Variants in CHKA observed in about 807,000 individuals in gnomAD.
The protein encoded by CHKA is CHETK-alpha.
Under a neutral mutation model 60.1 loss-of-function variants are expected in CHKA, and 34 were observed. The ratio of observed to expected loss-of-function variants is 0.57; its 90% confidence interval spans 0.43 to 0.75. CHKA has a LOEUF of 0.75. Ranked by LOEUF, CHKA falls within the 30% of genes least tolerant of loss-of-function variation. CHKA has a pLI of 0.00. For missense variants in CHKA, 563 were observed against 561.3 expected (o/e 1.00, Z -0.03); for synonymous variants, 217 against 223.1 (o/e 0.97, Z 0.24).
At chr11:68,096,849 G>A (rs2134660110) in intron 2 of CHKA, among the ~76,000 whole-genome samples, 170 bp downstream of exon 2, 1 of 152,294 alleles carries the variant, frequency 6.6e-6, no homozygotes, top group African/African-American at 2.4e-5. Context: ...AATTAACTTA[G>A]AATGCAAACC....
At chr11:68,114,064 T>A (rs559444909) in intron 1 of CHKA, among the ~76,000 whole-genome samples, 2 of 152,004 alleles carry the variant, frequency 1.3e-5, no homozygotes, top group Non-Finnish European at 2.9e-5. Flanking sequence ...ACCAGAATGC[T>A]GACACCACCA....
intron 7 of CHKA, among the ~76,000 whole-genome samples, chr11:68,067,029 C>T (rs1565174866): frequency 6.6e-6 from 1 of 152,292 alleles, no homozygotes; most frequent in East Asian, 1.9e-4. Flanking sequence ...GCTTTTCCTT[C>T]CCAAGGAGAC....
At chr11:68,058,182 C>A (rs1033276029) in intron 11 of CHKA, among the ~76,000 whole-genome samples, 2 of 152,226 alleles carry the variant, frequency 1.3e-5, no homozygotes, top group Non-Finnish European at 2.9e-5. Context: ...TGAGCCACCA[C>A]ACCTGGATGA....
At chr11:68,117,606 G>A (rs1590889998) in intron 1 of CHKA, among the ~76,000 whole-genome samples, 1 of 152,098 alleles carries the variant, frequency 6.6e-6, no homozygotes, top group Non-Finnish European at 1.5e-5. Context: ...AGAATCGCTC[G>A]AACCCAGGAG....
intron 2 of CHKA, 121 bp downstream of exon 2, chr11:68,096,898 A>G (rs1257151290): frequency 1.7e-6 from 1 of 604,634 alleles, no homozygotes; most frequent in Non-Finnish European, 2.8e-6. Flanking sequence ...TAAAAGCAAT[A>G]TACTCAAATA....
At position 68,115,847 on chromosome 11, in the gene CHKA, T is replaced by C. The variant is rs1858364265; in HGVS notation, c.350+4981A>G. Among the ~76,000 whole-genome samples, 3 of 152,224 alleles carry C rather than the reference T, an allele frequency of 2.0e-5. No individual in the cohort carries two copies. In the South Asian group the frequency reaches 6.2e-4, roughly 31 times the overall value. ...TGAAATTGAAAATTGTTTCTGTTCT[T>C]ATATGTAACATAATTTAGGTTATAA... On this transcript the variant is annotated intron_variant, in intron 1 of 11. Coordinates refer to ENST00000265689, the MANE Select transcript of CHKA (RefSeq NM_001277.3).
chr11:68,061,589 TCTTCA>T (rs1856249484), intron 11 of CHKA: 1 of 374,784 alleles, frequency 2.7e-6, no homozygotes, highest in Non-Finnish European at 5.4e-6. Flanking sequence ...CACCCACTCT[TCTTCA>T]CTTACTGTCC....
intron 3 of CHKA, among the ~76,000 whole-genome samples, chr11:68,075,056 A>T (rs1204700924): frequency 6.6e-6 from 1 of 152,230 alleles, no homozygotes; most frequent in East Asian, 1.9e-4. Context: ...TATATTGATA[A>T]GATTTAAAAT....
At chr11:68,072,472 G>A (rs1856649514) in intron 4 of CHKA, among the ~76,000 whole-genome samples, 1 of 150,968 alleles carries the variant, frequency 6.6e-6, no homozygotes, top group Non-Finnish European at 1.5e-5. Flanking sequence ...ACTTGAGCCT[G>A]GGAGGTTGAA....
intron 2 of CHKA, among the ~76,000 whole-genome samples, chr11:68,092,848 G>A (rs1466730333): frequency 6.6e-6 from 1 of 152,082 alleles, no homozygotes; most frequent in Non-Finnish European, 1.5e-5. Context: ...TCGACCAACT[G>A]AATAATTATA....
chr11:68,097,635 CAAAA>C (rs386374052), intron 1 of CHKA, among the ~76,000 whole-genome samples: 1 of 111,876 alleles, frequency 8.9e-6, no homozygotes, highest in Admixed American at 9.9e-5. Context: ...GACTCCGTCT[CAAAA>C]AAAAAAAAAA....
At chr11:68,100,763 C>G (rs1262206154) in intron 1 of CHKA, among the ~76,000 whole-genome samples, 2 of 151,430 alleles carry the variant, frequency 1.3e-5, no homozygotes, top group Non-Finnish European at 2.9e-5. Flanking sequence ...CAATAACACA[C>G]TTATTCCACA....
At chr11:68,054,149 G>T (rs1019144921) in intron 11 of CHKA, 102 bp from the exon 12 acceptor site, 31 of 930,922 alleles carry the variant, frequency 3.3e-5, no homozygotes, top group Admixed American at 1.4e-4. Flanking sequence ...TGAGGGCACG[G>T]ACCCATGAGA....
rs1215143175 is a variant in CHKA, at chr11:68,121,306, C to T, written c.-129G>A. ...GGGGCAGGGGGCCGCGGCGGTTGGG[C>T]GCGCGGGGCGGCGGCGGCGGCTGCG... On this transcript the variant is annotated 5_prime_UTR_variant, in exon 1 of 12. Transcript: ENST00000265689. 1 of 691,920 alleles carries T rather than the reference C, an allele frequency of 1.4e-6. No individual in the cohort carries two copies. Among genetic ancestry groups the T allele is most frequent in the Non-Finnish European group, 1.8e-6 (1 of 555,356 alleles). The allele number at this position is 691,920 out of a possible 1,614,324, so 42.9% of individuals were successfully genotyped here.
At chr11:68,085,899 G>T (rs1341345002) in intron 2 of CHKA, among the ~76,000 whole-genome samples, 1 of 152,082 alleles carries the variant, frequency 6.6e-6, no homozygotes, top group Non-Finnish European at 1.5e-5. Flanking sequence ...GAATAGTTGG[G>T]ATTACAGGTG....
chr11:68,069,196 G>A (rs957473573), intron 6 of CHKA, among the ~76,000 whole-genome samples: 22 of 152,090 alleles, frequency 1.4e-4, no homozygotes, highest in Admixed American at 8.5e-4. Context: ...GTCTCGGCTT[G>A]TATAGCACCC....
intron 9 of CHKA, 44 bp downstream of exon 9, chr11:68,065,742 G>T: frequency 7.9e-7 from 1 of 1,258,154 alleles, no homozygotes; most frequent in Non-Finnish European, 1.2e-6. Context: ...GCATGAAATT[G>T]ACATGTAATT....
At chr11:68,092,220 AT>A (rs1169991725) in intron 2 of CHKA, among the ~76,000 whole-genome samples, 3 of 152,182 alleles carry the variant, frequency 2.0e-5, no homozygotes, top group African/African-American at 7.2e-5. Context: ...GTGATTTATT[AT>A]TGGGGGCTCT....
intron 11 of CHKA, among the ~76,000 whole-genome samples, chr11:68,056,023 G>A (rs960492071): frequency 3.3e-5 from 5 of 152,158 alleles, no homozygotes; most frequent in Admixed American, 3.3e-4. Flanking sequence ...ACTCCAGCCT[G>A]CGCAACAAGA....
Sources: gnomAD v4.1 joint callset for allele counts (sites outside exome capture counted in the v4.1 genomes callset) on GRCh38, gnomAD v4.1.1 for gene constraint, MANE v1.5 for transcripts, NCBI Gene and HGNC (gene_info 2026-07-23, HGNC 2026-07-21) for gene names.